The following ALDH2 variants were observed in gnomAD, a reference collection of about 807,000 sequenced individuals.
The protein encoded by ALDH2 is aldehyde dehydrogenase, mitochondrial.
ALDH2 carries 44 observed loss-of-function variants against 59.6 expected under a neutral mutation model. The observed-to-expected ratio is 0.74, with a 90% confidence interval of 0.58 to 0.95. The LOEUF is 0.95. Ranked by LOEUF, ALDH2 falls within the 40% of genes least tolerant of loss-of-function variation. The pLI, the probability that ALDH2 is intolerant of heterozygous loss-of-function variation, is 0.00. For synonymous variants in ALDH2, 291 were observed against 284.0 expected, an observed-to-expected ratio of 1.02 and a Z score of -0.25; for missense variants, 570 against 696.3, an observed-to-expected ratio of 0.82 and a Z score of 2.04.
At chr12:111,792,852 C>A in intron 9 of ALDH2, 70 bp downstream of exon 9, 1 of 1,476,612 alleles carries the variant, frequency 6.8e-7, no homozygotes, top group East Asian at 2.5e-5. Context: ...GCATCGGGCT[C>A]AGATCAGTTG....
At chr12:111,783,426 G>A in intron 3 of ALDH2, 128 bp downstream of exon 3, 1 of 1,219,066 alleles carries the variant, frequency 8.2e-7, no homozygotes, top group Non-Finnish European at 1.1e-6. Flanking sequence ...GGACTGATGG[G>A]AATGGCATAG....
At chr12:111,785,120 A>G (rs2068300220) in intron 3 of ALDH2, 147 bp from the exon 4 acceptor site, 1 of 718,862 alleles carries the variant, frequency 1.4e-6, no homozygotes, top group African/African-American at 1.7e-5. Context: ...TAGTCCAGAG[A>G]TGCTAGTGAC....
intron 9 of ALDH2, among the ~76,000 whole-genome samples, chr12:111,795,784 G>T (rs2068398404): frequency 6.6e-6 from 1 of 150,970 alleles, no homozygotes; most frequent in Admixed American, 6.6e-5. Context: ...GTAGAGACAG[G>T]GTTTCACCAT....
At chr12:111,775,992 G>T (rs1184592172) in intron 1 of ALDH2, among the ~76,000 whole-genome samples, 4 of 152,192 alleles carry the variant, frequency 2.6e-5, no homozygotes, top group African/African-American at 4.8e-5. Context: ...GGGAGGATGG[G>T]TTGTTGAAAA....
chr12:111,782,013 A>T lies in ALDH2; in HGVS notation c.210A>T (p.Glu70Asp). 2 of 1,613,430 alleles carry T rather than the reference A, an allele frequency of 1.2e-6. No individual in the cohort carries two copies. The highest frequency in any genetic ancestry group is 1.7e-6 in the Non-Finnish European group (2 of 1,179,450). Reference sequence around the variant, plus strand: ...GAGAGGTCATCTGTCAGGTAGCTGAAGGGGACAAGGTGAGAACTGGTGACT... The same window carrying T: ...GAGAGGTCATCTGTCAGGTAGCTGATGGGGACAAGGTGAGAACTGGTGACT... ...STGEVICQVA[E>D]GDKEDVDKAV... The change falls in exon 2 of 13, where the codon GAA becomes GAT. Residue 70 changes from glutamate to aspartate, a missense_variant. Coordinates refer to ENST00000261733, the MANE Select transcript of ALDH2 (RefSeq NM_000690.4).
chr12:111,797,559 C>T (rs1171068378), intron 9 of ALDH2, among the ~76,000 whole-genome samples: 1 of 151,592 alleles, frequency 6.6e-6, no homozygotes, highest in South Asian at 2.1e-4. Context: ...GGAGATCGCA[C>T]CACTGCACTC....
intron 12 of ALDH2, among the ~76,000 whole-genome samples, chr12:111,804,695 C>T (rs2068480269): frequency 6.8e-6 from 1 of 147,440 alleles, no homozygotes; most frequent in Admixed American, 6.9e-5. Context: ...TGCAGTGAGT[C>T]GAGATTGTGC....
In ALDH2 at chr12:111,803,845, G is replaced by C; in HGVS notation, c.1407-14G>C. 1 of 1,590,130 alleles carries C rather than the reference G, an allele frequency of 6.3e-7. No individual in the cohort carries two copies. On this transcript the variant is annotated splice_polypyrimidine_tract_variant and intron_variant, in intron 11 of 12. Transcript: ENST00000261733. ...CCCCAAGAGTGATTTCTGCAATCTC[G>C]TTTCAAATTACAGGGTCAACTGCTA...
chr12:111,792,641 C>T lies in ALDH2; in HGVS notation c.942C>T (p.Asn314=), dbSNP rs1186271974. Residue 314 remains asparagine, a synonymous_variant, in exon 9 of 13, where the codon AAC becomes AAT. Coordinates refer to ENST00000261733, the MANE Select transcript of ALDH2 (RefSeq NM_000690.4). ...VEQAHFALFF[N]QGQCCCAGSR... ...AGGCCCACTTCGCCCTGTTCTTCAACCAGGGCCAGTGCTGCTGTGCCGGCT... is the reference window on the plus strand; with the variant it reads ...AGGCCCACTTCGCCCTGTTCTTCAATCAGGGCCAGTGCTGCTGTGCCGGCT... 1 of 1,612,952 alleles carries T rather than the reference C, an allele frequency of 6.2e-7. No individual in the cohort carries two copies. The highest frequency in any genetic ancestry group is 8.5e-7 in the Non-Finnish European group (1 of 1,179,770).
At chr12:111,789,253 G>A (rs2068336859) in intron 4 of ALDH2, among the ~76,000 whole-genome samples, 1 of 151,454 alleles carries the variant, frequency 6.6e-6, no homozygotes, top group East Asian at 2.0e-4. Flanking sequence ...TCCTGACCTC[G>A]TGATCTGCTC....
chr12:111,799,699 C>T, intron 10 of ALDH2: 1 of 502,286 alleles, frequency 2.0e-6, no homozygotes, highest in East Asian at 3.0e-5. Context: ...TATGTAAAGC[C>T]CGGGGCGCAC....
In ALDH2 at chr12:111,781,930, A is replaced by T. The variant is rs1166611498; in HGVS notation, c.127A>T (p.Asn43Tyr). The change falls in exon 2 of 13, where the codon AAT becomes TAT. Residue 43 changes from asparagine to tyrosine, a missense_variant. Coordinates refer to ENST00000261733, the MANE Select transcript of ALDH2 (RefSeq NM_000690.4). Reference protein sequence around the residue: ...EVFCNQIFINNEWHDAVSRKT... With the variant: ...EVFCNQIFINYEWHDAVSRKT... ...CTTCTCATTGTAGATTTTCATAAAC[A>T]ATGAATGGCACGATGCCGTCAGCAG... 6.2e-7 allele frequency: 1 copy of T among 1,613,764 alleles called. No homozygotes were observed. The highest frequency in any genetic ancestry group is 8.5e-7 in the Non-Finnish European group (1 of 1,179,768).
chr12:111,777,202 T>C (rs1040845921), intron 1 of ALDH2, among the ~76,000 whole-genome samples: 2 of 152,208 alleles, frequency 1.3e-5, no homozygotes, highest in African/African-American at 2.4e-5. Context: ...GGCTGGACTC[T>C]TCTGTGCCCA....
At position 111,810,265 on chromosome 12, in the gene ALDH2, C is replaced by G. The variant is rs1396581616; in HGVS notation, c.*690C>G. 6.6e-6 allele frequency: 1 copy of G among 152,466 alleles called. No individual in the cohort carries two copies. Among genetic ancestry groups the G allele is most frequent in the Non-Finnish European group, 1.5e-5 (1 of 68,298 alleles). The allele number at this position is 152,466 out of a possible 1,614,324, so 9.4% of individuals were successfully genotyped here. On this transcript the variant is annotated 3_prime_UTR_variant, in exon 13 of 13. Coordinates refer to ENST00000261733, the MANE Select transcript of ALDH2 (RefSeq NM_000690.4). ...GTTGCAGTGAGTGGAGATCATGCCA[C>G]TGCACTCCAGCCTGGGAGTCAGAGC...
intron 3 of ALDH2, among the ~76,000 whole-genome samples, chr12:111,784,627 A>T (rs1000345479): frequency 2.0e-5 from 3 of 151,826 alleles, no homozygotes; most frequent in African/African-American, 4.8e-5. Flanking sequence ...TATTATTATT[A>T]TTTTTTGAGA....
At chr12:111,789,256 A>G (rs2068336893) in intron 4 of ALDH2, among the ~76,000 whole-genome samples, 1 of 151,184 alleles carries the variant, frequency 6.6e-6, no homozygotes, top group African/African-American at 2.4e-5. Context: ...TGACCTCGTG[A>G]TCTGCTCACC....
At chr12:111,769,656 C>G (rs551660697) in intron 1 of ALDH2, among the ~76,000 whole-genome samples, 7 of 151,694 alleles carry the variant, frequency 4.6e-5, no homozygotes, top group Non-Finnish European at 8.8e-5. Context: ...CCTGGGTTAT[C>G]ATTCTGAGTA....
chr12:111,769,588 A>G (rs2068184392), intron 1 of ALDH2, among the ~76,000 whole-genome samples: 1 of 151,278 alleles, frequency 6.6e-6, no homozygotes, highest in Non-Finnish European at 1.5e-5. Context: ...TTTTTTTTTA[A>G]CATAAATGAG....
chr12:111,808,676 G>T (rs1015900711), intron 12 of ALDH2, among the ~76,000 whole-genome samples: 2 of 152,010 alleles, frequency 1.3e-5, no homozygotes, highest in African/African-American at 4.8e-5. Flanking sequence ...CTGCACTCCA[G>T]CCTGGGCAAC....
Sources: gnomAD v4.1 joint callset for allele counts (sites outside exome capture counted in the v4.1 genomes callset) on GRCh38, gnomAD v4.1.1 for gene constraint, MANE v1.5 for transcripts, NCBI Gene and HGNC (gene_info 2026-07-23, HGNC 2026-07-21) for gene names.